The following TAPBP variants were observed in gnomAD, a reference collection of about 807,000 sequenced individuals.
TAPBP encodes the protein TAP binding protein.
A neutral mutation model predicts 45.7 loss-of-function variants in TAPBP; 38 were observed. The ratio of observed to expected loss-of-function variants is 0.83; its 90% CI spans 0.64 to 1.09. The LOEUF is 1.09. Ranked by LOEUF, TAPBP falls within the 50% of genes least tolerant of loss-of-function variation. The probability of loss-of-function intolerance (pLI) is 0.00; values close to 1 mark genes in which losing one functional copy is unlikely to be tolerated. For synonymous variants in TAPBP, 226 were observed against 254.8 expected (o/e 0.89, Z 1.08); for missense variants, 513 against 587.3 (o/e 0.87, Z 1.31).
At chr6:33,311,133 A>G (rs1769312333) in intron 3 of TAPBP, among the ~76,000 whole-genome samples, 1 of 152,118 alleles carries the variant, frequency 6.6e-6, no homozygotes, top group Non-Finnish European at 1.5e-5. Flanking sequence ...CCTGGCCAAC[A>G]TGGTGAAACC....
At chr6:33,302,003 A>G (rs1300556365) in intron 7 of TAPBP, among the ~76,000 whole-genome samples, 2 of 152,126 alleles carry the variant, frequency 1.3e-5, no homozygotes, top group African/African-American at 2.4e-5. Flanking sequence ...GCTGTCCAAT[A>G]TGACAGCCAC....
Position 33,301,787 on chromosome 6 carries a change from G to C in TAPBP, c.1336-16C>G. 1 of 1,614,124 alleles carries C rather than the reference G, an allele frequency of 6.2e-7. No homozygotes were observed. ...ACTCTGCTTTCTGGAAGAGAGGAAG[G>C]TGGTGAGGAATTCAGGATATTAAAA... On this transcript the variant is annotated splice_polypyrimidine_tract_variant and intron_variant, in intron 7 of 7. Coordinates refer to ENST00000434618, the MANE Select transcript of TAPBP (RefSeq NM_003190.5).
Position 33,304,403 on chromosome 6 carries a change from C to T in TAPBP, c.1104G>A (p.Pro368=), listed in dbSNP as rs780116309. 87 of 1,612,424 alleles carry T rather than the reference C, an allele frequency of 5.4e-5. No individual in the cohort carries two copies. The highest frequency in any genetic ancestry group is 6.8e-5 in the Non-Finnish European group (80 of 1,179,134). ...GSVSLSGHLQ[P]PPVTTEQHGA... is the part of the protein sequence containing the mutation. ...CATGCTGCTCAGTGGTGACTGGGGG[C>T]GGCTGCAAGTGCCCAGAGAGGCTGA... The change falls in exon 5 of 8, where the codon CCG becomes CCA. Residue 368 remains proline, a synonymous_variant. Transcript: ENST00000434618.
Position 33,304,108 on chromosome 6 carries a change from A to G in TAPBP, c.1300+20T>C, listed in dbSNP as rs766392504. ...AGTCCACCAACCTCAGGTCATGGTC[A>G]GGGTAGGGCTGACACTTACCAGCCC... On this transcript the variant is annotated intron_variant, in intron 6 of 7. Coordinates refer to ENST00000434618, the MANE Select transcript of TAPBP (RefSeq NM_003190.5). 2 of 1,611,962 alleles carry G rather than the reference A, an allele frequency of 1.2e-6. No homozygotes were observed.
rs1411273398 is a variant in TAPBP, at chr6:33,304,981, C to G, written c.868+8G>C. 6 of 1,613,658 alleles carry G rather than the reference C, an allele frequency of 3.7e-6. No homozygotes were observed. Among genetic ancestry groups the G allele is most frequent in the Non-Finnish European group, 5.1e-6 (6 of 1,179,712 alleles). ...TCTACCCCTGGAGACCTCTGTCCCCCAACTCACTGTACACAGCAAGCTCCA... is the reference window on the plus strand; with the variant it reads ...TCTACCCCTGGAGACCTCTGTCCCCGAACTCACTGTACACAGCAAGCTCCA... On this transcript the variant is annotated splice_region_variant and intron_variant, in intron 4 of 7. Coordinates refer to ENST00000434618, the MANE Select transcript of TAPBP (RefSeq NM_003190.5).
chr6:33,310,815 G>A (rs759132679), intron 3 of TAPBP, among the ~76,000 whole-genome samples: 11 of 151,892 alleles, frequency 7.2e-5, no homozygotes, highest in Admixed American at 1.3e-4. Flanking sequence ...CAGCCTGGGC[G>A]ACAGAGGGAG....
chr6:33,309,013 G>A (rs1468168324), intron 3 of TAPBP, among the ~76,000 whole-genome samples: 5 of 151,788 alleles, frequency 3.3e-5, no homozygotes, highest in Non-Finnish European at 5.9e-5. Flanking sequence ...CATCTTCATG[G>A]AATTGTTCAG....
Position 33,301,758 on chromosome 6 carries a change from C to G in TAPBP, c.*2G>C, listed in dbSNP as rs765029944. On this transcript the variant is annotated 3_prime_UTR_variant, in exon 8 of 8. Transcript: ENST00000434618. ...GCTTCCACAGGATGGCAGTGAGTGC[C>G]CTCACTCTGCTTTCTGGAAGAGAGG... The G allele has an allele frequency of 6.2e-7, 1 of 1,613,440 alleles. No homozygotes were observed. The highest frequency in any genetic ancestry group is 8.5e-7 in the Non-Finnish European group (1 of 1,179,568).
Position 33,305,278 on chromosome 6 carries a change from T to C in TAPBP, c.579A>G (p.Ser193=). Residue 193 remains serine (S), a synonymous_variant, in exon 4 of 8, where the codon TCA becomes TCG. Transcript: ENST00000434618. This position sits in a 1 kb window ranked among gnomAD's most constrained non-coding sequence, Gnocchi z 4.4. ...AGGGAGGGGGACCCGGAGCCAGAGATGAGGCGGCCTCGGAGGTGGGGGGCA... is the reference window on the plus strand; with the variant it reads ...AGGGAGGGGGACCCGGAGCCAGAGACGAGGCGGCCTCGGAGGTGGGGGGCA... The part of the protein sequence containing the change: ...AYMPPTSEAA[S]SLAPGPPPFG... 1 of 1,594,734 alleles carries C rather than the reference T, an allele frequency of 6.3e-7. No homozygotes were observed. Among genetic ancestry groups the C allele is most frequent in the Non-Finnish European group, 8.6e-7 (1 of 1,169,528 alleles).
chr6:33,304,064 C>T (rs368035810), intron 6 of TAPBP, 64 bp downstream of exon 6: 8 of 1,611,018 alleles, frequency 5.0e-6, no homozygotes, highest in Non-Finnish European at 5.9e-6. Flanking sequence ...GTGTCAGGCT[C>T]TTGGGAGTAG....
In TAPBP at chr6:33,301,573, CA is replaced by C. The variant is rs11350807; in HGVS notation, c.*186del. 136,309 of 418,068 alleles carry C rather than the reference CA, an allele frequency of 0.33. 3,679 individuals carry two copies. Among genetic ancestry groups the C allele is most frequent in the African/African-American group, 0.5 (18,027 of 36,230 alleles). The allele number at this position is 418,068 out of a possible 1,614,324, so 25.9% of individuals were successfully genotyped here. ...TGGGCGGAAGAGTGAGACTCCGTCT[CA>C]AAAAAAAAAAAAAAAGAAAAATTAT... On this transcript the variant is annotated 3_prime_UTR_variant, in exon 8 of 8. Coordinates refer to ENST00000434618, the MANE Select transcript of TAPBP (RefSeq NM_003190.5).
At position 33,305,289 on chromosome 6, in the gene TAPBP, C is replaced by G; in HGVS notation, c.568G>C (p.Glu190Gln). 2 of 1,584,954 alleles carry G rather than the reference C, an allele frequency of 1.3e-6. No individual in the cohort carries two copies. Among genetic ancestry groups the G allele is most frequent in the Admixed American group, 1.8e-5 (1 of 57,046 alleles). ...CCCGGAGCCAGAGATGAGGCGGCCT[C>G]GGAGGTGGGGGGCATGTAGGCAAAG... Reference protein sequence around the residue: ...LSFAYMPPTSEAASSLAPGPP... With the variant: ...LSFAYMPPTSQAASSLAPGPP... The change falls in exon 4 of 8, where the codon GAG becomes CAG. Residue 190 changes from glutamate (E) to glutamine (Q), a missense_variant. Physicochemically the swap from Glu to Gln is conservative, Grantham distance 29. Coordinates refer to ENST00000434618, the MANE Select transcript of TAPBP (RefSeq NM_003190.5). The surrounding 1 kb of genome is among the most constrained non-coding windows in gnomAD (Gnocchi z 4.4).
At chr6:33,307,694 G>A (rs1769070673) in intron 3 of TAPBP, among the ~76,000 whole-genome samples, 1 of 152,122 alleles carries the variant, frequency 6.6e-6, no homozygotes, top group African/African-American at 2.4e-5. Flanking sequence ...GAGCCACCAC[G>A]CCTGGCCTCT....
intron 3 of TAPBP, among the ~76,000 whole-genome samples, chr6:33,306,903 G>A (rs6901471): frequency 0.031 from 4,780 of 151,826 alleles, 232 homozygotes; most frequent in African/African-American, 0.1. Flanking sequence ...GCTTGAACCC[G>A]GGAAGCAGAG....
At position 33,313,296 on chromosome 6, in the gene TAPBP, G is replaced by A. The variant is rs763373653; in HGVS notation, c.390C>T (p.Ser130=). The A allele has an allele frequency of 1.9e-6, 3 of 1,613,528 alleles. No individual in the cohort carries two copies. The Admixed American group carries it at 5.0e-5, about 27-fold the overall frequency. ...DGAWLMVSIS[S]PVLSLSSLLR... ...AGAGGCTGGAGAGGCTGAGGACTGG[G>A]CTGGATATGCTGACCATCAGCCAAG... The change falls in exon 3 of 8, where the codon AGC becomes AGT. Residue 130 remains serine (S), a synonymous_variant. Coordinates refer to ENST00000434618, the MANE Select transcript of TAPBP (RefSeq NM_003190.5). This position sits in a 1 kb window ranked among gnomAD's most constrained non-coding sequence, Gnocchi z 7.2.
chr6:33,310,409 G>C (rs990861708), intron 3 of TAPBP, among the ~76,000 whole-genome samples: 1 of 145,810 alleles, frequency 6.9e-6, no homozygotes, highest in Non-Finnish European at 1.5e-5. Context: ...GGGAGGCTGA[G>C]ACAGGAGAAT....
chr6:33,301,855 A>C (rs1768611634), intron 7 of TAPBP, 84 bp from the exon 8 acceptor site: 2 of 1,590,342 alleles, frequency 1.3e-6, no homozygotes, highest in African/African-American at 1.3e-5. Context: ...CATATAAACT[A>C]TCATGGGCAC....
rs1434848775 is a variant in TAPBP at position 33,304,994 on chromosome 6, A to G, written c.863T>C (p.Val288Ala). The change falls in exon 4 of 8, where the codon GTG (valine) becomes GCG (alanine). Residue 288 changes from valine (V) to alanine (A), a missense_variant. Transcript: ENST00000434618. ...LQGQVTLELA[V>A]YKPPKVSLMP... ...ACCTCTGTCCCCCAACTCACTGTACACAGCAAGCTCCAGGGTGACCTGTCC... is the reference window on the plus strand; with the variant it reads ...ACCTCTGTCCCCCAACTCACTGTACGCAGCAAGCTCCAGGGTGACCTGTCC... The G allele has an allele frequency of 1.9e-6, 3 of 1,613,716 alleles. No homozygotes were observed. Among genetic ancestry groups the G allele is most frequent in the South Asian group, 1.1e-5 (1 of 91,044 alleles).
At chr6:33,303,632 G>C (rs1768732467) in intron 7 of TAPBP, 6 of 1,064,900 alleles carry the variant, frequency 5.6e-6, no homozygotes, top group Non-Finnish European at 7.9e-6. Flanking sequence ...ATATTATTAA[G>C]TTAATTTTAC....
Sources: allele counts gnomAD v4.1 joint callset (sites outside exome capture counted in the v4.1 genomes callset), GRCh38; gene constraint gnomAD v4.1.1; non-coding constraint Gnocchi (gnomAD v3.1); transcripts MANE v1.5; gene names NCBI Gene and HGNC (gene_info 2026-07-23, HGNC 2026-07-21).